The following CELF4 variants were observed in gnomAD, a reference collection of about 807,000 sequenced individuals.
CELF4 encodes the protein CUG-BP- and ETR-3-like factor 4.
Under a neutral mutation model 59.9 loss-of-function variants are expected in CELF4, and 18 were observed. The ratio of observed to expected loss-of-function variants is 0.30; its 90% CI spans 0.21 to 0.45. CELF4 has a LOEUF of 0.45. Among genes scored for constraint, CELF4 ranks in the 20% least tolerant of loss-of-function variants. CELF4 has a pLI of 1.00. For missense variants in CELF4, 456 were observed against 689.0 expected, an observed-to-expected ratio of 0.66 and a Z score of 3.79; for synonymous variants, 261 against 267.1, an observed-to-expected ratio of 0.98 and a Z score of 0.22.
intron 3 of CELF4, among the ~76,000 whole-genome samples, chr18:37,280,017 G>A (rs2093923276): frequency 6.6e-6 from 1 of 152,224 alleles, no homozygotes; most frequent in Non-Finnish European, 1.5e-5. Context: ...GAACAGGAGT[G>A]TGACTCCCCA....
At chr18:37,439,101 C>G (rs2099703255) in intron 2 of CELF4, among the ~76,000 whole-genome samples, 2 of 152,166 alleles carry the variant, frequency 1.3e-5, no homozygotes, top group Non-Finnish European at 2.9e-5. Flanking sequence ...CAGGCCCGCC[C>G]CTTCATTTTA....
chr18:37,431,878 C>G (rs1443026743), intron 2 of CELF4, among the ~76,000 whole-genome samples: 1 of 152,206 alleles, frequency 6.6e-6, no homozygotes, highest in Non-Finnish European at 1.5e-5. Flanking sequence ...AAACTGAGGT[C>G]CCAGGAGGCA....
chr18:37,358,091 C>T (rs940134055), intron 2 of CELF4, among the ~76,000 whole-genome samples: 15 of 151,940 alleles, frequency 9.9e-5, no homozygotes, highest in African/African-American at 3.6e-4. Flanking sequence ...AAGACATGAT[C>T]GGTTTTGAAA....
chr18:37,411,410 G>T (rs910163618), intron 2 of CELF4, among the ~76,000 whole-genome samples: 1 of 152,154 alleles, frequency 6.6e-6, no homozygotes. Flanking sequence ...GAGGGAACAT[G>T]GTCCCACATT....
At chr18:37,388,773 C>A (rs2099126542) in intron 2 of CELF4, among the ~76,000 whole-genome samples, 1 of 152,150 alleles carries the variant, frequency 6.6e-6, no homozygotes, top group Non-Finnish European at 1.5e-5. Flanking sequence ...GCCTCCCGAG[C>A]ATGCCCTTCC....
chr18:37,379,534 G>GAAAAAAAA (rs2099012773), intron 2 of CELF4, among the ~76,000 whole-genome samples: 1 of 65,488 alleles, frequency 1.5e-5, no homozygotes, highest in Non-Finnish European at 2.9e-5. Flanking sequence ...AAAAAAAAAG[G>GAAAAAAAA]TACTATCCTT....
chr18:37,444,100 C>G (rs998733365), intron 2 of CELF4, among the ~76,000 whole-genome samples: 1 of 152,132 alleles, frequency 6.6e-6, no homozygotes, highest in African/African-American at 2.4e-5. Flanking sequence ...GGTTGCTGTG[C>G]TGATTAAATG....
At chr18:37,434,440 G>A (rs955033629) in intron 2 of CELF4, among the ~76,000 whole-genome samples, 3 of 152,228 alleles carry the variant, frequency 2.0e-5, no homozygotes, top group African/African-American at 7.2e-5. Context: ...GCTGGTACCA[G>A]TCACCTTCAT....
At chr18:37,275,529 C>T in intron 3 of CELF4, 2 of 438,534 alleles carry the variant, frequency 4.6e-6, no homozygotes, top group South Asian at 4.4e-5. Flanking sequence ...CGGCCTCCTC[C>T]CGCCTGCAGG....
intron 1 of CELF4, among the ~76,000 whole-genome samples, chr18:37,559,400 CT>C (rs1445473749): frequency 6.6e-6 from 1 of 152,172 alleles, no homozygotes; most frequent in Admixed American, 6.5e-5. Context: ...CCCTTTAGCT[CT>C]TCTCTCTGCA....
intron 12 of CELF4, among the ~76,000 whole-genome samples, chr18:37,248,995 A>T (rs892636866): frequency 2.0e-5 from 3 of 152,114 alleles, no homozygotes; most frequent in African/African-American, 7.2e-5. Context: ...ATCTTAAAAT[A>T]TCACTGTGGA....
intron 1 of CELF4, among the ~76,000 whole-genome samples, chr18:37,548,790 C>G (rs1292545366): frequency 6.6e-6 from 1 of 152,166 alleles, no homozygotes; most frequent in Non-Finnish European, 1.5e-5. Context: ...CGTGCGGGAG[C>G]CAGAGCCAGC....
At chr18:37,273,831 G>A (rs2092404730) in intron 6 of CELF4, 1 of 989,586 alleles carries the variant, frequency 1.0e-6, no homozygotes, top group Non-Finnish European at 1.2e-6. Flanking sequence ...AAAGAAGTAG[G>A]TGGGCCAGAG....
At chr18:37,551,107 G>C (rs2099983061) in intron 1 of CELF4, among the ~76,000 whole-genome samples, 2 of 152,140 alleles carry the variant, frequency 1.3e-5, no homozygotes, top group Non-Finnish European at 2.9e-5. Flanking sequence ...TGGGAACTCG[G>C]AGGGTACTGG....
intron 2 of CELF4, among the ~76,000 whole-genome samples, chr18:37,340,256 G>T (rs554750420): frequency 1.3e-4 from 20 of 152,378 alleles, no homozygotes; most frequent in African/African-American, 4.3e-4. Flanking sequence ...GTGAGAGTGA[G>T]AAGCTGGTTA....
chr18:37,376,729 G>T (rs554289456), intron 2 of CELF4, among the ~76,000 whole-genome samples: 2 of 152,344 alleles, frequency 1.3e-5, no homozygotes, highest in East Asian at 3.9e-4. Context: ...TGCAGTGCTT[G>T]CCAGGCTCAC....
intron 2 of CELF4, among the ~76,000 whole-genome samples, chr18:37,369,217 CTA>C (rs1343776370): frequency 6.6e-6 from 1 of 152,200 alleles, no homozygotes; most frequent in Middle Eastern, 3.2e-3. Context: ...AAACCTATAA[CTA>C]TCTCTCCCAG....
intron 1 of CELF4, among the ~76,000 whole-genome samples, chr18:37,535,938 CT>C (rs1259596687): frequency 1.3e-5 from 2 of 152,192 alleles, no homozygotes; most frequent in African/African-American, 4.8e-5. Flanking sequence ...TTATTGAAAA[CT>C]TTAATTCCTG....
chr18:37,384,265 A>G (rs1012785129), intron 2 of CELF4, among the ~76,000 whole-genome samples: 1 of 152,178 alleles, frequency 6.6e-6, no homozygotes, highest in East Asian at 1.9e-4. Context: ...TGCTGTCACA[A>G]AAACATTTAT....
Sources: allele counts gnomAD v4.1 joint callset (sites outside exome capture counted in the v4.1 genomes callset), GRCh38; gene constraint gnomAD v4.1.1; transcripts MANE v1.5; gene names NCBI Gene and HGNC (gene_info 2026-07-23, HGNC 2026-07-21).